The following DPP10 variants were observed in gnomAD, a reference collection of about 807,000 sequenced individuals.
DPP10 encodes inactive dipeptidyl peptidase 10.
DPP10 carries 33 observed loss-of-function variants against 120.9 expected under a neutral mutation model. The ratio of observed to expected loss-of-function variants is 0.27; its 90% CI spans 0.21 to 0.37. The LOEUF (loss-of-function observed/expected upper bound fraction) is 0.37. DPP10 is among the 10% of genes least tolerant of loss of function. The probability of loss-of-function intolerance (pLI) is 1.00; values close to 1 mark genes in which losing one functional copy is unlikely to be tolerated. For synonymous variants in DPP10, 337 were observed against 326.1 expected (o/e 1.03, Z -0.36); for missense variants, 816 against 942.8 (o/e 0.87, Z 1.76).
chr2:114,608,791 G>A (rs1011054138), intron 1 of DPP10, among the ~76,000 whole-genome samples: 1 of 152,050 alleles, frequency 6.6e-6, no homozygotes. Flanking sequence ...CACAGGAACA[G>A]GAAACCAAAT....
chr2:115,724,548 C>T (rs572852305), intron 7 of DPP10, among the ~76,000 whole-genome samples: 3 of 151,988 alleles, frequency 2.0e-5, no homozygotes, highest in Non-Finnish European at 4.4e-5. Flanking sequence ...GGTGACTTTA[C>T]CCATTTTGAA....
chr2:114,577,115 T>C (rs1271658513), intron 1 of DPP10, among the ~76,000 whole-genome samples: 1 of 152,176 alleles, frequency 6.6e-6, no homozygotes, highest in Admixed American at 6.5e-5. Context: ...GACTGCAGAA[T>C]GGTGATATGT....
At chr2:114,837,111 A>G (rs1687802458) in intron 1 of DPP10, among the ~76,000 whole-genome samples, 1 of 152,226 alleles carries the variant, frequency 6.6e-6, no homozygotes, top group Admixed American at 6.5e-5. Flanking sequence ...TCAGTTTACA[A>G]GATGACAGGA....
At chr2:114,665,410 C>A (rs1024902300) in intron 1 of DPP10, among the ~76,000 whole-genome samples, 2 of 152,052 alleles carry the variant, frequency 1.3e-5, no homozygotes, top group Non-Finnish European at 2.9e-5. Context: ...TTTCTCTTAT[C>A]ATTTTTTTTC....
chr2:115,656,973 G>T (rs1168983444), intron 5 of DPP10, among the ~76,000 whole-genome samples: 1 of 151,560 alleles, frequency 6.6e-6, no homozygotes, highest in Non-Finnish European at 1.5e-5. Flanking sequence ...TAATAAATAA[G>T]TTCTGAATAT....
chr2:115,546,713 C>G (rs2079524254), intron 5 of DPP10, among the ~76,000 whole-genome samples: 1 of 152,008 alleles, frequency 6.6e-6, no homozygotes, highest in South Asian at 2.1e-4. Flanking sequence ...TGCAGATAGT[C>G]AAGAGCTTAG....
At chr2:114,805,270 A>AAT (rs553157581) in intron 1 of DPP10, among the ~76,000 whole-genome samples, 300 of 152,284 alleles carry the variant, frequency 2.0e-3, no homozygotes, top group African/African-American at 6.9e-3. Flanking sequence ...ATACACAAAG[A>AAT]ATGTACATTT....
intron 4 of DPP10, among the ~76,000 whole-genome samples, chr2:115,500,222 T>G (rs1381560569): frequency 1.3e-5 from 2 of 151,990 alleles, no homozygotes; most frequent in African/African-American, 4.8e-5. Flanking sequence ...ATTACCTATT[T>G]GGTAAGCAAT....
At chr2:114,570,917 T>G (rs1449673722) in intron 1 of DPP10, among the ~76,000 whole-genome samples, 1 of 151,038 alleles carries the variant, frequency 6.6e-6, no homozygotes, top group Non-Finnish European at 1.5e-5. Flanking sequence ...AATTCATGGA[T>G]GGACTATATA....
intron 4 of DPP10, among the ~76,000 whole-genome samples, chr2:115,509,365 G>A (rs2077107609): frequency 6.6e-6 from 1 of 152,130 alleles, no homozygotes; most frequent in East Asian, 1.9e-4. Flanking sequence ...GATGTATCAG[G>A]GATAATTCTT....
chr2:114,814,402 T>C (rs933967675), intron 1 of DPP10, among the ~76,000 whole-genome samples: 1 of 152,084 alleles, frequency 6.6e-6, no homozygotes, highest in African/African-American at 2.4e-5. Context: ...TAGGCTTTTT[T>C]TTTTCCTCGA....
intron 1 of DPP10, among the ~76,000 whole-genome samples, chr2:115,269,979 G>A (rs1559342588): frequency 6.6e-6 from 1 of 151,874 alleles, no homozygotes. Flanking sequence ...ATTTGGCTGT[G>A]GGTATTTATG....
At chr2:115,752,991 A>C (rs1360523642) in intron 10 of DPP10, among the ~76,000 whole-genome samples, 183 bp from the exon 11 acceptor site, 1 of 152,142 alleles carries the variant, frequency 6.6e-6, no homozygotes, top group African/African-American at 2.4e-5. Context: ...ATTTGTATTT[A>C]TATATGTAAA....
intron 3 of DPP10, among the ~76,000 whole-genome samples, chr2:115,394,193 C>T (rs1294137080): frequency 2.0e-5 from 3 of 151,972 alleles, no homozygotes; most frequent in Non-Finnish European, 4.4e-5. Flanking sequence ...TTTTTTTAAA[C>T]TTGGATTTGA....
chr2:115,697,252 ATAGAT>A (rs2091642805), intron 7 of DPP10, among the ~76,000 whole-genome samples: 1 of 151,782 alleles, frequency 6.6e-6, no homozygotes, highest in South Asian at 2.1e-4. Context: ...TTAAATATAA[ATAGAT>A]TAAATTATTC....
intron 21 of DPP10, among the ~76,000 whole-genome samples, chr2:115,830,078 G>C (rs578214865): frequency 6.6e-6 from 1 of 151,906 alleles, no homozygotes; most frequent in African/African-American, 2.4e-5. Flanking sequence ...AATCACAGCC[G>C]GGAGCAGTGG....
intron 1 of DPP10, among the ~76,000 whole-genome samples, chr2:114,646,995 C>T (rs1415398838): frequency 1.3e-5 from 2 of 152,218 alleles, no homozygotes; most frequent in Non-Finnish European, 2.9e-5. Context: ...GACAGTTAGT[C>T]ACAGTTCACA....
At chr2:115,394,414 T>A (rs2067525215) in intron 3 of DPP10, among the ~76,000 whole-genome samples, 1 of 151,508 alleles carries the variant, frequency 6.6e-6, no homozygotes, top group Non-Finnish European at 1.5e-5. Context: ...AAAATTCTTT[T>A]TTTTAATTAG....
chr2:115,834,935 A>G (rs1019086460), intron 21 of DPP10, among the ~76,000 whole-genome samples: 2 of 152,094 alleles, frequency 1.3e-5, no homozygotes, highest in Admixed American at 6.5e-5. Flanking sequence ...AATACAAAAA[A>G]AATTAGCCGG....
Sources: allele counts gnomAD v4.1 joint callset (sites outside exome capture counted in the v4.1 genomes callset), GRCh38; gene constraint gnomAD v4.1.1; transcripts MANE v1.5; gene names NCBI Gene and HGNC (gene_info 2026-07-23, HGNC 2026-07-21).